CFAP47: variants seen among roughly 807,000 people sequenced by gnomAD.
The protein encoded by CFAP47 is cilia- and flagella-associated protein 47.
A neutral mutation model predicts 148.1 loss-of-function variants in CFAP47; 29 were observed. The ratio of observed to expected loss-of-function variants is 0.20; its 90% CI spans 0.15 to 0.27. The LOEUF (loss-of-function observed/expected upper bound fraction) is 0.27. CFAP47 is among the 10% of genes least tolerant of loss of function. CFAP47 has a pLI of 1.00. For synonymous variants in CFAP47, 664 were observed against 577.3 expected, an observed-to-expected ratio of 1.15 and a Z score of -2.15; for missense variants, 1,872 against 1,697.5, an observed-to-expected ratio of 1.10 and a Z score of -1.81.
At chrX:35,940,308 C>T (rs1056945501) in intron 2 of CFAP47, among the ~76,000 whole-genome samples, 1 of 111,217 alleles carries the variant, frequency 9.0e-6, no homozygotes, top group Admixed American at 9.6e-5. Context: ...AATTAGATCC[C>T]ATTTGTCAAT....
At chrX:36,282,578 A>G (rs1488894767) in intron 50 of CFAP47, among the ~76,000 whole-genome samples, 8 of 111,506 alleles carry the variant, frequency 7.2e-5, no homozygotes, top group African/African-American at 2.6e-4. Context: ...TTCCCCTATA[A>G]TAACATGGAT....
At chrX:36,222,398 T>C (rs946985367) in intron 45 of CFAP47, among the ~76,000 whole-genome samples, 5 of 110,304 alleles carry the variant, frequency 4.5e-5, no homozygotes, top group Non-Finnish European at 9.5e-5. Context: ...AAGTATTATA[T>C]TATTTTAAAT....
intron 45 of CFAP47, among the ~76,000 whole-genome samples, chrX:36,221,087 G>T (rs1314581114): frequency 9.0e-6 from 1 of 111,706 alleles, no homozygotes; most frequent in East Asian, 2.8e-4. Context: ...CCTCTTATTG[G>T]TGAAGGAAAT....
At chrX:36,011,896 T>G (rs1937042763) in intron 21 of CFAP47, among the ~76,000 whole-genome samples, 1 of 112,103 alleles carries the variant, frequency 8.9e-6, no homozygotes, top group Non-Finnish European at 1.9e-5. Flanking sequence ...TTGCAATCGC[T>G]TTTGGTGTTT....
intron 57 of CFAP47, among the ~76,000 whole-genome samples, chrX:36,338,079 G>A (rs2146976852): frequency 1.0e-5 from 1 of 97,462 alleles, no homozygotes; most frequent in South Asian, 5.4e-4. Flanking sequence ...AGTAGAGACG[G>A]GGTTTCACCG....
chrX:36,205,599 A>T (rs782520325), intron 45 of CFAP47, among the ~76,000 whole-genome samples: 1 of 111,486 alleles, frequency 9.0e-6, no homozygotes, highest in South Asian at 3.8e-4. Flanking sequence ...TACTGTACTT[A>T]TTTTTGATCT....
At chrX:36,277,385 T>A (rs1418967475) in intron 49 of CFAP47, among the ~76,000 whole-genome samples, 2 of 112,102 alleles carry the variant, frequency 1.8e-5, no homozygotes, top group African/African-American at 6.5e-5. Context: ...GCAGGCATGA[T>A]CTGTGCCTGG....
intron 63 of CFAP47, among the ~76,000 whole-genome samples, chrX:36,380,204 G>A (rs1344350869): frequency 8.9e-6 from 1 of 112,096 alleles, no homozygotes; most frequent in Admixed American, 9.4e-5. Context: ...CAAGCATGTT[G>A]TCATATACAC....
chrX:36,334,974 C>A (rs1556014618), intron 57 of CFAP47, among the ~76,000 whole-genome samples: 1 of 110,745 alleles, frequency 9.0e-6, no homozygotes, highest in Non-Finnish European at 1.9e-5. Context: ...GTGATCTCAT[C>A]CAGACTCATG....
chrX:36,195,503 T>A (rs1569285998), intron 42 of CFAP47, among the ~76,000 whole-genome samples: 1 of 112,065 alleles, frequency 8.9e-6, no homozygotes, highest in African/African-American at 3.2e-5. Flanking sequence ...AGGAATCCAG[T>A]GGAAGAATAG....
At chrX:36,278,644 G>T (rs896884158) in intron 49 of CFAP47, among the ~76,000 whole-genome samples, 21 of 112,193 alleles carry the variant, frequency 1.9e-4, no homozygotes, top group African/African-American at 6.8e-4. Flanking sequence ...ACTTCAGTTG[G>T]AAATGCAGAA....
rs1033830067 is a variant in CFAP47 at position 36,256,078 on chromosome X, A to G, written c.7444+4634A>G. 3.6e-5 allele frequency among the ~76,000 whole-genome samples: 4 copies of G among 112,113 alleles called. No individual in the cohort carries two copies. In the East Asian group the frequency reaches 1.1e-3, roughly 32 times the overall value. Reference sequence around the variant, plus strand: ...AACTGTAAAATGACCTATCTGGTATAGATAAATATGAGAATGCAAAAAGCT... The same window carrying G: ...AACTGTAAAATGACCTATCTGGTATGGATAAATATGAGAATGCAAAAAGCT... On this transcript the variant is annotated intron_variant, in intron 49 of 63. Transcript: ENST00000378653.
intron 30 of CFAP47, among the ~76,000 whole-genome samples, chrX:36,089,517 G>T (rs1569255556): frequency 8.9e-6 from 1 of 111,858 alleles, no homozygotes; most frequent in African/African-American, 3.3e-5. Flanking sequence ...AGTAATCCTG[G>T]AAGGGTGCAC....
chrX:36,138,226 G>A (rs1445604647), intron 34 of CFAP47, 122 bp from the exon 35 acceptor site: 2 of 764,902 alleles, frequency 2.6e-6, no homozygotes. Context: ...CATTTTGATT[G>A]CAATAATTTA....
At chrX:36,294,228 G>A (rs868927802) in intron 51 of CFAP47, among the ~76,000 whole-genome samples, 9 of 111,022 alleles carry the variant, frequency 8.1e-5, no homozygotes, top group Middle Eastern at 4.6e-3. Context: ...AGCCAGCCAC[G>A]TCAGCACCAT....
At chrX:36,371,695 CACACATGTGTATATATGTGTGT>C (rs1941946226) in intron 62 of CFAP47, among the ~76,000 whole-genome samples, 1 of 62,472 alleles carries the variant, frequency 1.6e-5, no homozygotes. Flanking sequence ...TGTGTATATA[CACACATGTGTATATATGTGTGT>C]ATATACACAC....
chrX:35,924,621 T>C (rs1935706678), intron 1 of CFAP47, among the ~76,000 whole-genome samples: 1 of 109,145 alleles, frequency 9.2e-6, no homozygotes, highest in Non-Finnish European at 1.9e-5. Context: ...ATTATGTATG[T>C]ATATGATTGA....
chrX:36,326,442 G>T (rs1163697886), intron 57 of CFAP47, among the ~76,000 whole-genome samples: 8 of 111,782 alleles, frequency 7.2e-5, no homozygotes, highest in African/African-American at 2.6e-4. Flanking sequence ...GGGCTTAGAA[G>T]ACAAGAAGAT....
At chrX:36,031,424 A>T (rs1257348410) in intron 23 of CFAP47, 77 bp downstream of exon 23, 1 of 268,879 alleles carries the variant, frequency 3.7e-6, no homozygotes, top group Admixed American at 6.5e-5. Flanking sequence ...GATTATTCAT[A>T]AGCATGAGTG....
Sources: gnomAD v4.1 joint callset for allele counts (sites outside exome capture counted in the v4.1 genomes callset) on GRCh38, gnomAD v4.1.1 for gene constraint, MANE v1.5 for transcripts, NCBI Gene and HGNC (gene_info 2026-07-23, HGNC 2026-07-21) for gene names.